The following NALF1 variants were observed in gnomAD, a reference collection of about 807,000 sequenced individuals.
The protein encoded by NALF1 is NALCN channel auxiliary factor 1, also known as family with sequence similarity 155 member A.
A neutral mutation model predicts 48.4 loss-of-function variants in NALF1; 3 were observed. The observed-to-expected ratio is 0.06, with a 90% CI of 0.03 to 0.16. The LOEUF is 0.16. Ranked by LOEUF, NALF1 falls within the 10% of genes least tolerant of loss-of-function variation. The probability of loss-of-function intolerance (pLI) is 1.00; values close to 1 mark genes in which losing one functional copy is unlikely to be tolerated. For missense variants in NALF1, 526 were observed against 571.5 expected, an observed-to-expected ratio of 0.92 and a Z score of 0.81; for synonymous variants, 262 against 245.7, an observed-to-expected ratio of 1.07 and a Z score of -0.62.
chr13:107,654,201 A>G (rs1880519392), intron 1 of NALF1, among the ~76,000 whole-genome samples: 2 of 152,186 alleles, frequency 1.3e-5, no homozygotes, highest in African/African-American at 4.8e-5. Flanking sequence ...GAAATGGAAG[A>G]TATTATAACT....
chr13:107,601,876 C>T (rs1295158998), intron 1 of NALF1, among the ~76,000 whole-genome samples: 5 of 152,088 alleles, frequency 3.3e-5, no homozygotes, highest in East Asian at 1.9e-4. Context: ...TTTACCCAAT[C>T]GGAGAGAAAT....
chr13:107,477,172 G>C (rs1181776759), intron 1 of NALF1, among the ~76,000 whole-genome samples: 1 of 151,970 alleles, frequency 6.6e-6, no homozygotes, highest in Non-Finnish European at 1.5e-5. Flanking sequence ...TAATAACGAG[G>C]ACCAAGAATC....
At chr13:107,491,777 A>C (rs988844893) in intron 1 of NALF1, among the ~76,000 whole-genome samples, 5 of 152,180 alleles carry the variant, frequency 3.3e-5, no homozygotes, top group Non-Finnish European at 7.3e-5. Context: ...TAAATGTAAG[A>C]TGGTATAAAT....
At chr13:107,614,728 C>T (rs980744668) in intron 1 of NALF1, among the ~76,000 whole-genome samples, 7 of 151,728 alleles carry the variant, frequency 4.6e-5, no homozygotes, top group South Asian at 2.1e-4. Context: ...TGAAACTTTG[C>T]CCTTTCCCTA....
intron 1 of NALF1, among the ~76,000 whole-genome samples, chr13:107,579,542 CT>C (rs1878242657): frequency 6.6e-6 from 1 of 151,990 alleles, no homozygotes; most frequent in African/African-American, 2.4e-5. Context: ...CACATGGCCC[CT>C]TGTGTCTCTT....
Position 107,401,038 on chromosome 13 carries a change from G to A in NALF1, c.916-190283C>T, listed in dbSNP as rs989867220. Reference sequence around the variant, plus strand: ...AGTAGTGACCCTTATCCATGGTTTGGCTTTTTGCGTTCCAGTGACCTACTG... The same window carrying A: ...AGTAGTGACCCTTATCCATGGTTTGACTTTTTGCGTTCCAGTGACCTACTG... On this transcript the variant is annotated intron_variant, in intron 1 of 2. Coordinates refer to ENST00000375915, the MANE Select transcript of NALF1 (RefSeq NM_001080396.3). Among the ~76,000 whole-genome samples the A allele has an allele frequency of 2.0e-5, 3 of 152,108 alleles. No homozygotes were observed. In the East Asian group the frequency reaches 5.8e-4, roughly 29 times the overall value.
At chr13:107,244,365 C>T (rs1880536604) in intron 1 of NALF1, among the ~76,000 whole-genome samples, 1 of 152,144 alleles carries the variant, frequency 6.6e-6, no homozygotes, top group Admixed American at 6.5e-5. Flanking sequence ...TGCCACATCC[C>T]CTATTTACTT....
chr13:107,443,535 G>A (rs911118163), intron 1 of NALF1, among the ~76,000 whole-genome samples: 8 of 152,132 alleles, frequency 5.3e-5, no homozygotes, highest in Admixed American at 5.2e-4. Flanking sequence ...ATATTTAAAT[G>A]TTAATGTTTA....
intron 1 of NALF1, among the ~76,000 whole-genome samples, chr13:107,476,672 ACAC>A (rs1885180507): frequency 6.6e-6 from 1 of 152,140 alleles, no homozygotes. Flanking sequence ...ATTTATAAAT[ACAC>A]CTCACTTGCA....
chr13:107,370,482 G>T (rs1455189723), intron 1 of NALF1, among the ~76,000 whole-genome samples: 1 of 152,104 alleles, frequency 6.6e-6, no homozygotes, highest in Non-Finnish European at 1.5e-5. Context: ...ATCTGTCCTG[G>T]GTGGTCACAG....
intron 1 of NALF1, among the ~76,000 whole-genome samples, chr13:107,259,139 G>A (rs1175274714): frequency 6.6e-6 from 1 of 152,080 alleles, no homozygotes; most frequent in Non-Finnish European, 1.5e-5. Context: ...TGTGCCCTAT[G>A]CTTCTGAGCT....
chr13:107,361,719 G>T (rs1883063661), intron 1 of NALF1, among the ~76,000 whole-genome samples: 1 of 152,170 alleles, frequency 6.6e-6, no homozygotes, highest in Non-Finnish European at 1.5e-5. Flanking sequence ...AAATCACACG[G>T]TAACCAAATA....
At chr13:107,659,698 TG>T (rs1399998891) in intron 1 of NALF1, among the ~76,000 whole-genome samples, 4 of 152,022 alleles carry the variant, frequency 2.6e-5, no homozygotes, top group Admixed American at 6.6e-5. Context: ...AATTTATAAA[TG>T]ACATGGATTT....
rs1883083027 is a variant in NALF1 at position 107,362,574 on chromosome 13, A to G, written c.916-151819T>C. On this transcript the variant is annotated intron_variant, in intron 1 of 2. Transcript: ENST00000375915. This position sits in a 1 kb window ranked among gnomAD's most constrained non-coding sequence, Gnocchi z 4.6. ...TCTCCTTATATCAGACACCAGTCAC[A>G]CTGGATTAGCGCCCACCCTAATGAC... is the stretch of plus-strand genomic sequence containing the variant. Among the ~76,000 whole-genome samples the G allele has an allele frequency of 6.6e-6, 1 of 152,150 alleles. No individual in the cohort carries two copies. Among genetic ancestry groups the G allele is most frequent in the South Asian group, 2.1e-4 (1 of 4,836 alleles).
chr13:107,251,905 T>C (rs1880707707), intron 1 of NALF1, among the ~76,000 whole-genome samples: 1 of 152,186 alleles, frequency 6.6e-6, no homozygotes, highest in South Asian at 2.1e-4. Flanking sequence ...GTATTTAAAG[T>C]GGTAATGTCA....
In NALF1 at chr13:107,494,345, C is replaced by T. The variant is rs930832712; in HGVS notation, c.916-283590G>A. On this transcript the variant is annotated intron_variant, in intron 1 of 2. Coordinates refer to ENST00000375915, the MANE Select transcript of NALF1 (RefSeq NM_001080396.3). ...CATTAATAGCTCCAAATAGAGATGG[C>T]TTGGATGGAACCAGGCACTTGCTGA... Among the ~76,000 whole-genome samples the T allele has an allele frequency of 3.3e-5, 5 of 152,148 alleles. No individual in the cohort carries two copies. The South Asian group carries it at 8.3e-4, about 25-fold the overall frequency.
At chr13:107,828,350 A>G (rs1474898183) in intron 1 of NALF1, among the ~76,000 whole-genome samples, 2 of 152,140 alleles carry the variant, frequency 1.3e-5, no homozygotes, top group African/African-American at 4.8e-5. Flanking sequence ...AGAAGCACAG[A>G]AAAGGCTTCA....
In NALF1 at chr13:107,266,408, G is replaced by C. The variant is rs182639413; in HGVS notation, c.916-55653C>G. On this transcript the variant is annotated intron_variant, in intron 1 of 2. Coordinates refer to ENST00000375915, the MANE Select transcript of NALF1 (RefSeq NM_001080396.3). Reference sequence around the variant, plus strand: ...GTACACCCCACCTGGAAAATAGATGGCTACCTGTACTGTTGACAAGGTTTC... The same window carrying C: ...GTACACCCCACCTGGAAAATAGATGCCTACCTGTACTGTTGACAAGGTTTC... Among the ~76,000 whole-genome samples, 8 of 152,272 alleles carry C rather than the reference G, an allele frequency of 5.3e-5. No individual in the cohort carries two copies. In the East Asian group the frequency reaches 1.5e-3, roughly 29 times the overall value.
chr13:107,303,966 G>T (rs1054486547), intron 1 of NALF1, among the ~76,000 whole-genome samples: 1 of 151,754 alleles, frequency 6.6e-6, no homozygotes, highest in Non-Finnish European at 1.5e-5. Context: ...TATTTCTCTG[G>T]GTTCAGTTTT....
Sources: allele counts gnomAD v4.1 joint callset (sites outside exome capture counted in the v4.1 genomes callset), GRCh38; gene constraint gnomAD v4.1.1; non-coding constraint Gnocchi (gnomAD v3.1); transcripts MANE v1.5; gene names NCBI Gene and HGNC (gene_info 2026-07-23, HGNC 2026-07-21).